The following AKAP13 variants were observed in gnomAD, a reference collection of about 807,000 sequenced individuals.
AKAP13 encodes A-kinase anchor protein 13.
In AKAP13, 80 loss-of-function variants were observed where a neutral mutation model predicts 264.5. The ratio of observed to expected loss-of-function variants is 0.30; its 90% confidence interval spans 0.25 to 0.36. The LOEUF (loss-of-function observed/expected upper bound fraction) is 0.36. Ranked by LOEUF, AKAP13 falls within the 10% of genes least tolerant of loss-of-function variation. The probability of loss-of-function intolerance (pLI) is 1.00; values close to 1 mark genes in which losing one functional copy is unlikely to be tolerated. For synonymous variants in AKAP13, 1,380 were observed against 1,250.2 expected, an observed-to-expected ratio of 1.10 and a Z score of -2.19; for missense variants, 3,712 against 3,435.2, an observed-to-expected ratio of 1.08 and a Z score of -2.01.
chr15:85,522,569 G>C (rs1345631654), intron 3 of AKAP13, among the ~76,000 whole-genome samples: 1 of 152,114 alleles, frequency 6.6e-6, no homozygotes, highest in Non-Finnish European at 1.5e-5. Context: ...ATGACAGCCT[G>C]GAGCTCTAAG....
chr15:85,504,905 C>T lies in AKAP13; in HGVS notation c.34-16523C>T, dbSNP rs141840057. Among the ~76,000 whole-genome samples the T allele has an allele frequency of 2.0e-3, 297 of 151,982 alleles. 7 individuals carry two copies. The highest frequency in any genetic ancestry group is 0.017 in the Middle Eastern group (5 of 294). ...TTGCTCTCTCGCTCTTGCTCTCCCTCGCACCCTCTCCCCCTCTCCCCCTCT... is the reference window on the plus strand; with the variant it reads ...TTGCTCTCTCGCTCTTGCTCTCCCTTGCACCCTCTCCCCCTCTCCCCCTCT... On this transcript the variant is annotated intron_variant, in intron 2 of 36. Transcript: ENST00000394518.
intron 2 of AKAP13, among the ~76,000 whole-genome samples, chr15:85,486,006 G>T (rs976101208): frequency 2.0e-5 from 3 of 152,204 alleles, no homozygotes; most frequent in Non-Finnish European, 4.4e-5. Flanking sequence ...TAGTATGCAT[G>T]TATGAAACAA....
intron 1 of AKAP13, among the ~76,000 whole-genome samples, chr15:85,400,383 C>G (rs1388417475): frequency 2.0e-5 from 3 of 151,904 alleles, no homozygotes; most frequent in Non-Finnish European, 4.4e-5. Context: ...TTTACTCCAG[C>G]CTGGGTGACA....
chr15:85,588,290 A>G (rs1479799554), intron 8 of AKAP13, among the ~76,000 whole-genome samples: 1 of 152,240 alleles, frequency 6.6e-6, no homozygotes, highest in Non-Finnish European at 1.5e-5. Context: ...ATTACACATA[A>G]TATTCATGAC....
intron 1 of AKAP13, among the ~76,000 whole-genome samples, chr15:85,420,934 G>C (rs2072492949): frequency 1.3e-5 from 2 of 152,096 alleles, no homozygotes; most frequent in African/African-American, 4.8e-5. Context: ...AAAAAAATCG[G>C]AATTCTGCAT....
At position 85,579,289 on chromosome 15, in the gene AKAP13, T is replaced by C. The variant is rs1269677016; in HGVS notation, c.1221T>C (p.Cys407=). 1 of 1,614,064 alleles carries C rather than the reference T, an allele frequency of 6.2e-7. No homozygotes were observed. The highest frequency in any genetic ancestry group is 8.5e-7 in the Non-Finnish European group (1 of 1,180,028). Reference sequence around the variant, plus strand: ...GCTGCCTTCAGAGCTTGCCTGATTGTGGAGTAAAGGGCACGGAAGGCCTTT... The same window carrying C: ...GCTGCCTTCAGAGCTTGCCTGATTGCGGAGTAAAGGGCACGGAAGGCCTTT... ...QDSCLQSLPD[C]GVKGTEGLSS... Residue 407 remains cysteine, a synonymous_variant, in exon 7 of 37, where the codon TGT becomes TGC. Transcript: ENST00000394518.
rs1288608662 is a variant in AKAP13 at position 85,747,683 on chromosome 15, T to G, written c.*3006T>G. 1 of 152,650 alleles carries G rather than the reference T, an allele frequency of 6.6e-6. No individual in the cohort carries two copies. The highest frequency in any genetic ancestry group is 1.5e-5 in the Non-Finnish European group (1 of 68,036). 9.5% of individuals were successfully genotyped at this position (152,650 alleles called of 1,614,324 possible). ...AGACAATCAAATGTATTGACTGTGT[T>G]TTCTTCTTAGAAAATGGAGAGGGTT... On this transcript the variant is annotated 3_prime_UTR_variant, in exon 37 of 37. Transcript: ENST00000394518.
chr15:85,678,347 A>G (rs1032587649), intron 14 of AKAP13, among the ~76,000 whole-genome samples: 2 of 152,220 alleles, frequency 1.3e-5, no homozygotes, highest in Non-Finnish European at 2.9e-5. Context: ...TGGCATTTTC[A>G]CACTATTCTT....
At chr15:85,686,656 C>T (rs750163941) in intron 16 of AKAP13, among the ~76,000 whole-genome samples, 3 of 151,798 alleles carry the variant, frequency 2.0e-5, no homozygotes, top group Non-Finnish European at 4.4e-5. Context: ...CAGTATTCTA[C>T]GTATTTACAT....
At chr15:85,506,138 A>G (rs776642505) in intron 2 of AKAP13, among the ~76,000 whole-genome samples, 13 of 152,082 alleles carry the variant, frequency 8.5e-5, no homozygotes, top group Non-Finnish European at 1.8e-4. Flanking sequence ...CTCTACTAAT[A>G]CAGAAAAATT....
At chr15:85,571,191 A>C (rs923615130) in intron 5 of AKAP13, among the ~76,000 whole-genome samples, 1 of 152,190 alleles carries the variant, frequency 6.6e-6, no homozygotes, top group Non-Finnish European at 1.5e-5. Context: ...GCAATTATTA[A>C]AAAGATTGGT....
intron 5 of AKAP13, among the ~76,000 whole-genome samples, chr15:85,562,449 C>T (rs1227348567): frequency 1.3e-5 from 2 of 150,552 alleles, no homozygotes; most frequent in South Asian, 4.2e-4. Flanking sequence ...CCTGTAATCC[C>T]AGCTACTTGG....
At chr15:85,660,184 C>G (rs549834233) in intron 12 of AKAP13, among the ~76,000 whole-genome samples, 1 of 152,066 alleles carries the variant, frequency 6.6e-6, no homozygotes, top group Admixed American at 6.6e-5. Context: ...GAAACCTCAT[C>G]TCTACTAAAA....
intron 8 of AKAP13, among the ~76,000 whole-genome samples, chr15:85,587,804 G>A (rs1407443420): frequency 3.3e-5 from 5 of 151,980 alleles, no homozygotes; most frequent in African/African-American, 9.7e-5. Flanking sequence ...TCGTCACCAC[G>A]CCCGGCTACT....
chr15:85,384,446 G>A (rs941598908), intron 1 of AKAP13, among the ~76,000 whole-genome samples: 2 of 152,224 alleles, frequency 1.3e-5, no homozygotes, highest in African/African-American at 4.8e-5. Context: ...GCCTGGCGCA[G>A]TGGCTCACGC....
rs386383662 is a variant in AKAP13, at chr15:85,592,046, CTTTTTTTT to C, written c.4161+6237_4161+6244del. Among the ~76,000 whole-genome samples, 11 of 105,278 alleles carry C rather than the reference CTTTTTTTT, an allele frequency of 1.0e-4. 1 individual carries two copies. In the South Asian group the frequency reaches 2.5e-3, roughly 24 times the overall value. The allele number at this position is 105,278 out of a possible 152,430, so 69.1% of individuals were successfully genotyped here. The stretch of plus-strand genomic sequence containing the variant: ...AAGCATTTAAAATCAGAACCATGAT[CTTTTTTTT>C]TTTTTTTTTTTTTGGCAATTATACA... On this transcript the variant is annotated intron_variant, in intron 8 of 36. Transcript: ENST00000394518.
intron 1 of AKAP13, among the ~76,000 whole-genome samples, chr15:85,444,345 A>G (rs1006844107): frequency 1.3e-5 from 2 of 152,272 alleles, no homozygotes; most frequent in Admixed American, 6.5e-5. Context: ...CCCCTTCCAG[A>G]TTTCACCTTA....
intron 31 of AKAP13, 71 bp from the exon 32 acceptor site, chr15:85,735,489 A>G (rs775694465): frequency 3.3e-6 from 5 of 1,495,436 alleles, no homozygotes; most frequent in Admixed American, 1.9e-5. Context: ...CAAGATGCCT[A>G]TATGATATTC....
intron 1 of AKAP13, among the ~76,000 whole-genome samples, chr15:85,416,568 C>T (rs2150886250): frequency 6.6e-6 from 1 of 152,286 alleles, no homozygotes; most frequent in African/African-American, 2.4e-5. Context: ...TACTTAATTT[C>T]TTCCATGGCT....
Sources: gnomAD v4.1 joint callset for allele counts (sites outside exome capture counted in the v4.1 genomes callset) on GRCh38, gnomAD v4.1.1 for gene constraint, MANE v1.5 for transcripts, NCBI Gene and HGNC (gene_info 2026-07-23, HGNC 2026-07-21) for gene names.